PIK3C2G: variants seen among roughly 807,000 people sequenced by gnomAD.
The protein encoded by PIK3C2G is phosphatidylinositol-4-phosphate 3-kinase catalytic subunit type 2 gamma.
In PIK3C2G, 168 loss-of-function variants were observed where a neutral mutation model predicts 181.1. The observed-to-expected ratio is 0.93, with a 90% CI of 0.82 to 1.05. The LOEUF is 1.05. Among genes scored for constraint, PIK3C2G ranks in the 50% least tolerant of loss-of-function variants. The pLI, the probability that PIK3C2G is intolerant of heterozygous loss-of-function variation, is 0.00. For synonymous variants in PIK3C2G, 573 were observed against 592.2 expected (o/e 0.97, Z 0.47); for missense variants, 1,869 against 1,732.8 (o/e 1.08, Z -1.40).
chr12:18,492,507 C>T (rs1592397249), intron 20 of PIK3C2G, among the ~76,000 whole-genome samples: 1 of 152,246 alleles, frequency 6.6e-6, no homozygotes, highest in African/African-American at 2.4e-5. Context: ...ATTCCTTAAA[C>T]TGAGATATGT....
chr12:18,671,684 A>G, the PIK3C2G span, among the ~76,000 whole-genome samples: 17 of 152,318 alleles, frequency 1.1e-4, no homozygotes, highest in South Asian at 1.0e-3. Flanking sequence ...AATTTATGGA[A>G]AGGAAAGGCT....
intron 1 of PIK3C2G, among the ~76,000 whole-genome samples, chr12:18,267,570 C>T (rs1273536599): frequency 6.6e-6 from 1 of 152,104 alleles, no homozygotes; most frequent in Non-Finnish European, 1.5e-5. Context: ...ATAATGTCTG[C>T]AGCTTATCTT....
chr12:18,297,687 C>T (rs1450820370), intron 5 of PIK3C2G, among the ~76,000 whole-genome samples: 1 of 151,954 alleles, frequency 6.6e-6, no homozygotes, highest in Non-Finnish European at 1.5e-5. Flanking sequence ...CATCCTCTCC[C>T]CATCCCATAC....
chr12:18,353,002 C>T (rs1028190995), intron 11 of PIK3C2G, among the ~76,000 whole-genome samples: 16 of 152,196 alleles, frequency 1.1e-4, no homozygotes, highest in Non-Finnish European at 1.5e-4. Flanking sequence ...TAAAAAGCAA[C>T]ATTCAAGTAG....
At chr12:18,618,797 A>C (rs1016835060) in intron 31 of PIK3C2G, among the ~76,000 whole-genome samples, 1 of 152,200 alleles carries the variant, frequency 6.6e-6, no homozygotes, top group Non-Finnish European at 1.5e-5. Context: ...AAAGACTGAA[A>C]AATAAAATAC....
intron 6 of PIK3C2G, chr12:18,314,497 C>A (rs1950776925): frequency 6.5e-6 from 1 of 154,718 alleles, no homozygotes; most frequent in African/African-American, 2.4e-5. Flanking sequence ...CTCTTTCTAT[C>A]ACTCTCTCTT....
Position 18,504,264 on chromosome 12 carries a change from C to T in PIK3C2G, c.3153+847C>T, listed in dbSNP as rs575128802. Among the ~76,000 whole-genome samples the T allele has an allele frequency of 2.6e-5, 4 of 152,250 alleles. No homozygotes were observed. The East Asian group carries it at 7.7e-4, about 29-fold the overall frequency. On this transcript the variant is annotated intron_variant, in intron 23 of 32. Coordinates refer to ENST00000538779, the MANE Select transcript of PIK3C2G (RefSeq NM_001288772.2). ...ACATTGTGTTGGAGCAAAATACAAGCTTTACAGGCCAAATAATAAATAATT... is the reference window on the plus strand; with the variant it reads ...ACATTGTGTTGGAGCAAAATACAAGTTTTACAGGCCAAATAATAAATAATT...
chr12:18,548,317 T>C (rs754419921), intron 26 of PIK3C2G, among the ~76,000 whole-genome samples: 1 of 152,012 alleles, frequency 6.6e-6, no homozygotes, highest in Admixed American at 6.6e-5. Flanking sequence ...AGATGTGTCA[T>C]TGTGTGGGCA....
chr12:18,252,311 T>C lies in PIK3C2G; in HGVS notation c.-79+4229T>C, dbSNP rs548490485. Among the ~76,000 whole-genome samples, 163 of 152,244 alleles carry C rather than the reference T, an allele frequency of 1.1e-3. 1 individual carries two copies. The highest frequency in any genetic ancestry group is 3.8e-3 in the Admixed American group (58 of 15,292). On this transcript the variant is annotated intron_variant, in intron 1 of 11. Coordinates refer to the PIK3C2G transcript ENST00000535651. ...TTATCAAATTGACGCAACAGTATAT[T>C]CTCTGTCAGACAAATTACTCTTCAC...
chr12:18,506,973 G>C (rs1941875803), intron 24 of PIK3C2G, among the ~76,000 whole-genome samples: 1 of 151,486 alleles, frequency 6.6e-6, no homozygotes, highest in African/African-American at 2.4e-5. Context: ...TCAATACATT[G>C]CTTTCTTTAA....
intron 11 of PIK3C2G, among the ~76,000 whole-genome samples, chr12:18,356,647 A>G (rs1329806810): frequency 6.6e-6 from 1 of 152,084 alleles, no homozygotes; most frequent in Non-Finnish European, 1.5e-5. Flanking sequence ...TTCACTGCCA[A>G]TGAAAGTTGC....
At chr12:18,718,805 G>C in the PIK3C2G span, among the ~76,000 whole-genome samples, 2 of 152,162 alleles carry the variant, frequency 1.3e-5, no homozygotes, top group Non-Finnish European at 2.9e-5. Context: ...CTTGTACACA[G>C]ATAAATGTAG....
chr12:18,457,293 C>A (rs1947682048), intron 18 of PIK3C2G, among the ~76,000 whole-genome samples: 1 of 152,152 alleles, frequency 6.6e-6, no homozygotes. Context: ...TATATTACCC[C>A]TCTCTTTCTT....
At chr12:18,560,737 A>G (rs2136327044) in intron 26 of PIK3C2G, among the ~76,000 whole-genome samples, 1 of 152,250 alleles carries the variant, frequency 6.6e-6, no homozygotes, top group Non-Finnish European at 1.5e-5. Flanking sequence ...AAATACTAAG[A>G]CTATAAGAAA....
At chr12:18,416,804 G>C (rs907878832) in intron 16 of PIK3C2G, among the ~76,000 whole-genome samples, 1 of 152,188 alleles carries the variant, frequency 6.6e-6, no homozygotes, top group African/African-American at 2.4e-5. Flanking sequence ...GCGATGTATA[G>C]GGAGGTTAAT....
At chr12:18,536,860 A>G (rs1943879790) in intron 24 of PIK3C2G, among the ~76,000 whole-genome samples, 1 of 152,130 alleles carries the variant, frequency 6.6e-6, no homozygotes, top group African/African-American at 2.4e-5. Flanking sequence ...TACTTTAGAC[A>G]TAGTCCGCAG....
chr12:18,568,307 C>A (rs1456646003), intron 29 of PIK3C2G, among the ~76,000 whole-genome samples: 4 of 151,760 alleles, frequency 2.6e-5, no homozygotes, highest in African/African-American at 9.7e-5. Flanking sequence ...GACGCCAAGC[C>A]CAAGTTGTTA....
At chr12:18,468,505 A>T (rs1427485268) in intron 18 of PIK3C2G, among the ~76,000 whole-genome samples, 2 of 152,062 alleles carry the variant, frequency 1.3e-5, no homozygotes, top group African/African-American at 4.8e-5. Flanking sequence ...GCTTAAGAGG[A>T]TATTCTTGAA....
At chr12:18,400,713 G>A (rs564306707) in intron 16 of PIK3C2G, among the ~76,000 whole-genome samples, 1 of 152,044 alleles carries the variant, frequency 6.6e-6, no homozygotes, top group South Asian at 2.1e-4. Flanking sequence ...AGGGGAGAGT[G>A]GGTTTTTCTT....
Sources: allele counts gnomAD v4.1 joint callset (sites outside exome capture counted in the v4.1 genomes callset), GRCh38; gene constraint gnomAD v4.1.1; transcripts MANE v1.5; gene names NCBI Gene and HGNC (gene_info 2026-07-23, HGNC 2026-07-21).